AUH: variants seen among roughly 807,000 people sequenced by gnomAD.
AUH encodes AU RNA binding methylglutaconyl-CoA hydratase.
A neutral mutation model predicts 42.3 loss-of-function variants in AUH; 29 were observed. That is an observed-to-expected ratio of 0.69 (90% CI 0.51 to 0.93). The LOEUF is 0.93. Among genes scored for constraint, AUH ranks in the 40% least tolerant of loss-of-function variants. The pLI, the probability that AUH is intolerant of heterozygous loss-of-function variation, is 0.00. For missense variants in AUH, 452 were observed against 438.1 expected (o/e 1.03, Z -0.28); for synonymous variants, 174 against 166.4 (o/e 1.05, Z -0.35).
chr9:91,306,590 T>C (rs1472979447), intron 4 of AUH, among the ~76,000 whole-genome samples: 1 of 152,236 alleles, frequency 6.6e-6, no homozygotes, highest in Non-Finnish European at 1.5e-5. Context: ...GTAAGCTTTT[T>C]ATAAATGTAG....
chr9:91,347,474 G>T (rs538091028), intron 3 of AUH, among the ~76,000 whole-genome samples: 15 of 152,128 alleles, frequency 9.9e-5, no homozygotes, highest in Non-Finnish European at 1.6e-4. Flanking sequence ...TTTCCCCTCT[G>T]GGGGGAGAGG....
At chr9:91,356,222 T>A in intron 1 of AUH, 67 bp from the exon 2 acceptor site, 1 of 1,260,352 alleles carries the variant, frequency 7.9e-7, no homozygotes, top group Non-Finnish European at 1.2e-6. Context: ...AGACTCTACA[T>A]CACACATCTA....
intron 4 of AUH, among the ~76,000 whole-genome samples, chr9:91,305,546 ACT>A (rs1828145429): frequency 6.6e-6 from 1 of 152,144 alleles, no homozygotes; most frequent in African/African-American, 2.4e-5. Flanking sequence ...CAATGCCACC[ACT>A]GTTACCACTG....
At chr9:91,332,766 A>G (rs1830423720) in intron 3 of AUH, among the ~76,000 whole-genome samples, 1 of 152,212 alleles carries the variant, frequency 6.6e-6, no homozygotes, top group Non-Finnish European at 1.5e-5. Flanking sequence ...ATATTATAAA[A>G]GGAGAAATGC....
intron 6 of AUH, among the ~76,000 whole-genome samples, chr9:91,268,161 A>G (rs937359292): frequency 1.3e-5 from 2 of 152,230 alleles, no homozygotes; most frequent in Non-Finnish European, 2.9e-5. Context: ...TTTACCATTA[A>G]AACTTTATTC....
At chr9:91,326,715 A>G (rs1587864604) in intron 3 of AUH, among the ~76,000 whole-genome samples, 1 of 152,132 alleles carries the variant, frequency 6.6e-6, no homozygotes. Flanking sequence ...TACACAGAGG[A>G]CTTCAATTTT....
At chr9:91,359,197 AAAAAC>A (rs574092520) in intron 1 of AUH, among the ~76,000 whole-genome samples, 136 of 152,372 alleles carry the variant, frequency 8.9e-4, no homozygotes, top group African/African-American at 3.0e-3. Context: ...CTGAGACTTT[AAAAAC>A]AAAACAAAAT....
chr9:91,222,425 C>T (rs1317987527), intron 6 of AUH, among the ~76,000 whole-genome samples: 1 of 152,176 alleles, frequency 6.6e-6, no homozygotes, highest in African/African-American at 2.4e-5. Flanking sequence ...TCAATACAGA[C>T]TGTTTTCAAA....
At chr9:91,214,847 T>G (rs1308779116) in intron 9 of AUH, among the ~76,000 whole-genome samples, 1 of 152,162 alleles carries the variant, frequency 6.6e-6, no homozygotes, top group African/African-American at 2.4e-5. Flanking sequence ...ATATTTTGGG[T>G]TTTTCCAGCA....
intron 6 of AUH, among the ~76,000 whole-genome samples, chr9:91,259,037 A>C (rs1252745513): frequency 6.6e-6 from 1 of 152,204 alleles, no homozygotes; most frequent in Admixed American, 6.5e-5. Context: ...GCCTGGCCTC[A>C]AACCATGAGT....
intron 6 of AUH, among the ~76,000 whole-genome samples, chr9:91,222,056 T>C (rs915363566): frequency 1.3e-5 from 2 of 152,222 alleles, no homozygotes; most frequent in Non-Finnish European, 1.5e-5. Flanking sequence ...ACGCCCACCA[T>C]CTACACAAGT....
chr9:91,360,234 T>C (rs994517419), intron 1 of AUH: 1 of 152,202 alleles, frequency 6.6e-6, no homozygotes, highest in African/African-American at 2.4e-5. Context: ...TAACATATTG[T>C]TGGTACACTT....
chr9:91,223,764 T>C (rs1334313563), intron 6 of AUH, among the ~76,000 whole-genome samples: 1 of 152,168 alleles, frequency 6.6e-6, no homozygotes, highest in African/African-American at 2.4e-5. Context: ...TCCTAATGGG[T>C]GTGCAGTAGC....
intron 3 of AUH, among the ~76,000 whole-genome samples, chr9:91,336,214 T>C (rs1407053927): frequency 2.6e-5 from 4 of 151,966 alleles, no homozygotes; most frequent in Non-Finnish European, 5.9e-5. Context: ...CATATATATG[T>C]ATATACACAC....
chr9:91,265,941 CCT>C (rs2131472575), intron 6 of AUH, among the ~76,000 whole-genome samples: 1 of 152,246 alleles, frequency 6.6e-6, no homozygotes, highest in Admixed American at 6.5e-5. Flanking sequence ...TGTAATTATA[CCT>C]TTTTTTTTCT....
chr9:91,334,974 C>T (rs1010554718), intron 3 of AUH, among the ~76,000 whole-genome samples: 6 of 152,278 alleles, frequency 3.9e-5, no homozygotes, highest in African/African-American at 1.4e-4. Context: ...CTGGATAAAG[C>T]GGGGATTCTC....
At chr9:91,320,899 T>C (rs1468717530) in intron 4 of AUH, among the ~76,000 whole-genome samples, 1 of 152,230 alleles carries the variant, frequency 6.6e-6, no homozygotes, top group Non-Finnish European at 1.5e-5. Flanking sequence ...TTTTGTCTTT[T>C]TGACCTCATG....
At chr9:91,236,646 G>T (rs781643468) in intron 6 of AUH, among the ~76,000 whole-genome samples, 2 of 152,160 alleles carry the variant, frequency 1.3e-5, no homozygotes, top group African/African-American at 4.8e-5. Context: ...AACAGAGCAG[G>T]TGTGCATAAC....
chr9:91,220,998 G>A lies in AUH; in HGVS notation c.656-6C>T. 6.2e-7 allele frequency: 1 copy of A among 1,614,034 alleles called. No homozygotes were observed. Among genetic ancestry groups the A allele is most frequent in the Non-Finnish European group, 8.5e-7 (1 of 1,179,998 alleles). Reference sequence around the variant, plus strand: ...TGGCAATCGCTGTGTCCCCCCTGAGGGGTGAAAGAGAGAGAAAAGGCAATG... The same window carrying A: ...TGGCAATCGCTGTGTCCCCCCTGAGAGGTGAAAGAGAGAGAAAAGGCAATG... On this transcript the variant is annotated splice_polypyrimidine_tract_variant and splice_region_variant and intron_variant, in intron 6 of 9. Transcript: ENST00000375731.
Sources: gnomAD v4.1 joint callset for allele counts (sites outside exome capture counted in the v4.1 genomes callset) on GRCh38, gnomAD v4.1.1 for gene constraint, MANE v1.5 for transcripts, NCBI Gene and HGNC (gene_info 2026-07-23, HGNC 2026-07-21) for gene names.